The following CACNG3 variants were observed in gnomAD, a reference collection of about 807,000 sequenced individuals.
CACNG3 encodes calcium voltage-gated channel auxiliary subunit gamma 3, also known as voltage-dependent calcium channel gamma-3 subunit.
A neutral mutation model predicts 28.5 loss-of-function variants in CACNG3; 3 were observed. The ratio of observed to expected loss-of-function variants is 0.11; its 90% CI spans 0.05 to 0.27. The LOEUF is 0.27. Ranked by LOEUF, CACNG3 falls within the 10% of genes least tolerant of loss-of-function variation. CACNG3 has a pLI of 1.00. For missense variants in CACNG3, 236 were observed against 414.4 expected (o/e 0.57, Z 3.74); for synonymous variants, 174 against 162.2 (o/e 1.07, Z -0.55).
intron 2 of CACNG3, among the ~76,000 whole-genome samples, chr16:24,353,909 T>C (rs1899993828): frequency 6.6e-6 from 1 of 152,118 alleles, no homozygotes; most frequent in African/African-American, 2.4e-5. Context: ...CCTGGGCTCT[T>C]AGGCCGGGTG....
Position 24,302,858 on chromosome 16 carries a change from C to T in CACNG3, c.212-43876C>T, listed in dbSNP as rs551401609. Among the ~76,000 whole-genome samples, 338 of 152,180 alleles carry T rather than the reference C, an allele frequency of 2.2e-3. 2 individuals are homozygous for T. The highest frequency in any genetic ancestry group is 4.2e-3 in the Non-Finnish European group (287 of 67,992). On this transcript the variant is annotated intron_variant, in intron 1 of 3. Transcript: ENST00000005284. ...TATTTTCAGTAGATGCGGAGTTTCA[C>T]CATGTTGGCCAGGCCGGTTTTGAAT...
intron 1 of CACNG3, among the ~76,000 whole-genome samples, chr16:24,339,419 T>C (rs1164899145): frequency 6.6e-6 from 1 of 151,812 alleles, no homozygotes; most frequent in Non-Finnish European, 1.5e-5. Flanking sequence ...GGGGTCTTGC[T>C]GTCTCACTCA....
At chr16:24,303,005 G>C (rs755515930) in intron 1 of CACNG3, among the ~76,000 whole-genome samples, 22 of 151,994 alleles carry the variant, frequency 1.4e-4, no homozygotes, top group Non-Finnish European at 2.5e-4. Flanking sequence ...TGTTGCCCAG[G>C]CTGGTTTTGA....
At chr16:24,351,634 A>AGGG (rs1385731139) in intron 2 of CACNG3, among the ~76,000 whole-genome samples, 1 of 111,030 alleles carries the variant, frequency 9.0e-6, no homozygotes, top group Admixed American at 9.4e-5. Context: ...GGGGAAGGGG[A>AGGG]AGGGGAAGGG....
chr16:24,311,880 G>C (rs1252597675), intron 1 of CACNG3, among the ~76,000 whole-genome samples: 1 of 152,172 alleles, frequency 6.6e-6, no homozygotes, highest in Non-Finnish European at 1.5e-5. Flanking sequence ...AAATTAAATG[G>C]TGGTAAGTAA....
intron 1 of CACNG3, among the ~76,000 whole-genome samples, chr16:24,303,598 C>T (rs776670861): frequency 1.3e-5 from 2 of 151,666 alleles, no homozygotes; most frequent in Non-Finnish European, 2.9e-5. Flanking sequence ...GCATTCGTTG[C>T]TGTCTGCAGT....
chr16:24,297,605 G>C (rs374399055), intron 1 of CACNG3, among the ~76,000 whole-genome samples: 1 of 152,296 alleles, frequency 6.6e-6, no homozygotes, highest in East Asian at 1.9e-4. Context: ...CTCCAGACTC[G>C]ATAGCCTGAG....
At chr16:24,300,442 G>C (rs1038825281) in intron 1 of CACNG3, among the ~76,000 whole-genome samples, 1 of 150,288 alleles carries the variant, frequency 6.7e-6, no homozygotes, top group East Asian at 1.9e-4. Context: ...TTCTGATTCT[G>C]GGGGGGAAAC....
At chr16:24,317,996 C>A (rs1387549726) in intron 1 of CACNG3, among the ~76,000 whole-genome samples, 1 of 152,190 alleles carries the variant, frequency 6.6e-6, no homozygotes, top group East Asian at 1.9e-4. Flanking sequence ...TTGGTCTCAG[C>A]CCAGATGCCC....
At chr16:24,341,550 G>A (rs557630708) in intron 1 of CACNG3, among the ~76,000 whole-genome samples, 11 of 152,272 alleles carry the variant, frequency 7.2e-5, no homozygotes, top group Middle Eastern at 3.4e-3. Flanking sequence ...AGCAACTGGC[G>A]TAATAACTGC....
chr16:24,293,352 C>A (rs1404912768), intron 1 of CACNG3, among the ~76,000 whole-genome samples: 1 of 152,070 alleles, frequency 6.6e-6, no homozygotes, highest in East Asian at 1.9e-4. Flanking sequence ...TGATGTTCAT[C>A]CTCTGGTTCT....
intron 1 of CACNG3, among the ~76,000 whole-genome samples, chr16:24,296,000 C>G (rs1283756201): frequency 3.9e-5 from 6 of 152,236 alleles, no homozygotes; most frequent in Non-Finnish European, 7.3e-5. Context: ...AGAGCCATCA[C>G]CTTTAGCTAT....
At chr16:24,319,001 A>G (rs113481969) in intron 1 of CACNG3, among the ~76,000 whole-genome samples, 2 of 152,328 alleles carry the variant, frequency 1.3e-5, no homozygotes, top group African/African-American at 4.8e-5. Flanking sequence ...GGAATTTAAT[A>G]AAATCATTTT....
At chr16:24,318,833 C>T (rs1409852341) in intron 1 of CACNG3, among the ~76,000 whole-genome samples, 4 of 152,122 alleles carry the variant, frequency 2.6e-5, no homozygotes, top group African/African-American at 9.7e-5. Context: ...GCTAACTAGT[C>T]CCTTCCTTCT....
chr16:24,289,202 A>C (rs1323650258), intron 1 of CACNG3, among the ~76,000 whole-genome samples: 1 of 152,126 alleles, frequency 6.6e-6, no homozygotes, highest in East Asian at 1.9e-4. Flanking sequence ...TTCCCGATGA[A>C]TTCGCCTTAG....
intron 1 of CACNG3, among the ~76,000 whole-genome samples, chr16:24,315,737 C>A (rs545625800): frequency 6.6e-6 from 1 of 152,030 alleles, no homozygotes; most frequent in African/African-American, 2.4e-5. Context: ...CTCACTGTAA[C>A]TTTCACCTCT....
At chr16:24,350,164 G>A (rs1899922701) in intron 2 of CACNG3, among the ~76,000 whole-genome samples, 1 of 152,230 alleles carries the variant, frequency 6.6e-6, no homozygotes, top group African/African-American at 2.4e-5. Context: ...GTCTGAGGCA[G>A]ACACTTATAG....
chr16:24,336,263 G>T (rs538413634), intron 1 of CACNG3, among the ~76,000 whole-genome samples: 1 of 150,232 alleles, frequency 6.7e-6, no homozygotes, highest in South Asian at 2.1e-4. Flanking sequence ...CAGCAATCTG[G>T]AGATCACTGG....
chr16:24,341,981 G>C (rs1210374077), intron 1 of CACNG3, among the ~76,000 whole-genome samples: 1 of 152,156 alleles, frequency 6.6e-6, no homozygotes, highest in Non-Finnish European at 1.5e-5. Context: ...AATTGCAGCA[G>C]CATAGGCCAG....
Sources: allele counts gnomAD v4.1 joint callset (sites outside exome capture counted in the v4.1 genomes callset), GRCh38; gene constraint gnomAD v4.1.1; transcripts MANE v1.5; gene names NCBI Gene and HGNC (gene_info 2026-07-23, HGNC 2026-07-21).